The following AURKAIP1 variants were observed in gnomAD, a reference collection of about 807,000 sequenced individuals.
The protein encoded by AURKAIP1 is aurora kinase A interacting protein 1.
AURKAIP1 carries 20 observed loss-of-function variants against 18.4 expected under a neutral mutation model. The observed-to-expected ratio is 1.09, with a 90% confidence interval of 0.77 to 1.58. The LOEUF (loss-of-function observed/expected upper bound fraction) is 1.58, where lower values mean the gene tolerates loss of function less well. Among genes scored for constraint, AURKAIP1 ranks in the 40% most tolerant of loss-of-function variants. AURKAIP1 has a pLI of 0.00. For missense variants in AURKAIP1, 319 were observed against 270.7 expected (o/e 1.18, Z -1.25); for synonymous variants, 156 against 120.8 (o/e 1.29, Z -1.91).
At position 1,374,643 on chromosome 1, in the gene AURKAIP1, G is replaced by A. The variant is rs1644330485; in HGVS notation, c.52+62C>T. The stretch of plus-strand genomic sequence containing the variant: ...CCACCGGCCCTGCCCCAGCGGAGCT[G>A]CTGAGACCCGCACTCCTAACCAGGT... On this transcript the variant is annotated intron_variant, in intron 2 of 3. Coordinates refer to ENST00000338338, the MANE Select transcript of AURKAIP1 (RefSeq NM_017900.3). 1.8e-5 allele frequency: 27 copies of A among 1,520,990 alleles called. No homozygotes were observed. The South Asian group carries it at 2.8e-4, about 16-fold the overall frequency. The allele number at this position is 1,520,990 out of a possible 1,614,324, so 94.2% of individuals were successfully genotyped here.
intron 1 of AURKAIP1, 128 bp from the exon 2 acceptor site, chr1:1,374,918 G>A: frequency 1.6e-6 from 1 of 631,690 alleles, no homozygotes; most frequent in East Asian, 3.2e-5. Context: ...CAACCCACAA[G>A]GAGGACTTTG....
In AURKAIP1 at chr1:1,374,128, G is replaced by A. The variant is rs749443379; in HGVS notation, c.370C>T (p.Gln124Ter). 2 of 1,613,760 alleles carry A rather than the reference G, an allele frequency of 1.2e-6. No homozygotes were observed. The highest frequency in any genetic ancestry group is 1.7e-6 in the Non-Finnish European group (2 of 1,179,978). The change falls in exon 3 of 4, where the codon CAA (glutamine) becomes TAA (stop). Residue 124 changes from glutamine to a stop codon, truncating the protein, a stop_gained. Transcript: ENST00000338338. LOFTEE classifies it high-confidence loss of function. Reference protein sequence around the residue: ...QGDEGVADAPQIQCKNVLKIR... With the variant: ...QGDEGVADAP ...TTCAGCACGTTTTTGCACTGAATTT[G>A]AGGCGCATCCGCGACGCCTTCATCC...
rs531519677 is a variant in AURKAIP1 at position 1,374,145 on chromosome 1, C to G, written c.353G>C (p.Gly118Ala). Residue 118 changes from glycine to alanine, a missense_variant, in exon 3 of 4, where the codon GGC (glycine) becomes GCC (alanine). Physicochemically the swap from Gly to Ala is moderately conservative, Grantham distance 60 (BLOSUM62 0). Transcript: ENST00000338338. ...CTGAATTTGAGGCGCATCCGCGACGCCTTCATCCCCCTGCTCGGCCCCTTC... is the reference window on the plus strand; with the variant it reads ...CTGAATTTGAGGCGCATCCGCGACGGCTTCATCCCCCTGCTCGGCCCCTTC... ...IGEGAEQGDE[G>A]VADAPQIQCK... 3 of 1,613,966 alleles carry G rather than the reference C, an allele frequency of 1.9e-6. No individual in the cohort carries two copies. Among genetic ancestry groups the G allele is most frequent in the Admixed American group, 1.7e-5 (1 of 60,024 alleles).
In AURKAIP1 at chr1:1,374,393, C is replaced by T. The variant is rs1353436449; in HGVS notation, c.105G>A (p.Gly35=). The change falls in exon 3 of 4, where the codon GGG becomes GGA. Residue 35 remains glycine (G), a synonymous_variant. Coordinates refer to ENST00000338338, the MANE Select transcript of AURKAIP1 (RefSeq NM_017900.3). Reference sequence around the variant, plus strand: ...CGGCCGGCGATGTGCTGTAAAGGGGCCCGCAGACCCGGCTGCCCAGCACTC... The same window carrying T: ...CGGCCGGCGATGTGCTGTAAAGGGGTCCGCAGACCCGGCTGCCCAGCACTC... The part of the protein sequence containing the change: ...VSGVLGSRVC[G]PLYSTSPAGP... 1 of 1,476,932 alleles carries T rather than the reference C, an allele frequency of 6.8e-7. No individual in the cohort carries two copies. The highest frequency in any genetic ancestry group is 8.9e-7 in the Non-Finnish European group (1 of 1,120,188). The allele number at this position is 1,476,932 out of a possible 1,614,324, so 91.5% of individuals were successfully genotyped here. A position where few individuals can be genotyped will look rare whatever the true frequency, so the allele number is the denominator to read the frequency against.
Position 1,374,217 on chromosome 1 carries a change from G to C in AURKAIP1, c.281C>G (p.Thr94Ser), listed in dbSNP as rs1307482236. The C allele has an allele frequency of 5.0e-6, 8 of 1,613,040 alleles. No individual in the cohort carries two copies. Among genetic ancestry groups the C allele is most frequent in the Non-Finnish European group, 6.8e-6 (8 of 1,180,024 alleles). Reference sequence around the variant, plus strand: ...CTGGTAGGATTGCGGTGGAGCCACAGTCCCTGCGGTCCCGGTATCCAGTCT... The same window carrying C: ...CTGGTAGGATTGCGGTGGAGCCACACTCCCTGCGGTCCCGGTATCCAGTCT... ...LPRLDTGTAG[T>S]VAPPQSYQCP... Residue 94 changes from threonine (T) to serine (S), a missense_variant, in exon 3 of 4, where the codon ACT becomes AGT. Thr to Ser is a moderately conservative substitution (Grantham distance 58). Transcript: ENST00000338338.
chr1:1,373,927 G>A (rs1354846134), intron 3 of AURKAIP1, 25 bp from the exon 4 acceptor site: 7 of 1,608,756 alleles, frequency 4.4e-6, no homozygotes, highest in East Asian at 2.2e-5. Flanking sequence ...GAGAGGGACC[G>A]CCAAGTAATT....
At chr1:1,374,519 C>G (rs1410387589) in intron 2 of AURKAIP1, 74 bp from the exon 3 acceptor site, 2 of 1,388,350 alleles carry the variant, frequency 1.4e-6, no homozygotes, top group Non-Finnish European at 1.9e-6. Context: ...GCAGCAGGTT[C>G]GTCCCAGCGA....
At chr1:1,374,852 G>C in intron 1 of AURKAIP1, 62 bp from the exon 2 acceptor site, 1 of 1,169,912 alleles carries the variant, frequency 8.5e-7, no homozygotes, top group Non-Finnish European at 1.2e-6. Flanking sequence ...GGGCGGGCCG[G>C]GACTGGGGCG....
chr1:1,373,769 A>C lies in AURKAIP1; in HGVS notation c.*32T>G. ...CTGAGAATTTATTACTACGGATCACAGCAGCAACGGGCGGGAAGGGCGGCG... is the reference window on the plus strand; with the variant it reads ...CTGAGAATTTATTACTACGGATCACCGCAGCAACGGGCGGGAAGGGCGGCG... On this transcript the variant is annotated 3_prime_UTR_variant, in exon 4 of 4. Coordinates refer to ENST00000338338, the MANE Select transcript of AURKAIP1 (RefSeq NM_017900.3). 1.9e-6 allele frequency: 3 copies of C among 1,571,698 alleles called. No individual in the cohort carries two copies. The highest frequency in any genetic ancestry group is 2.6e-6 in the Non-Finnish European group (3 of 1,161,204).
chr1:1,374,887 T>G (rs892597853), intron 1 of AURKAIP1, 97 bp from the exon 2 acceptor site: 4 of 779,062 alleles, frequency 5.1e-6, no homozygotes, highest in Non-Finnish European at 8.0e-6. Flanking sequence ...GACCCTCGCT[T>G]CCCTTCTCCC....
At position 1,374,249 on chromosome 1, in the gene AURKAIP1, G is replaced by A. The variant is rs533198651; in HGVS notation, c.249C>T (p.Phe83=). 6.2e-6 allele frequency: 10 copies of A among 1,609,630 alleles called. No homozygotes were observed. In the East Asian group the frequency reaches 1.1e-4, roughly 18 times the overall value. Residue 83 remains phenylalanine (F), a synonymous_variant, in exon 3 of 4, where the codon TTC becomes TTT. Transcript: ENST00000338338. ...CGGTCCCGGTATCCAGTCTGGGCAGGAAGCAGCGGGCCGTGAGCCAGCTCT... is the reference window on the plus strand; with the variant it reads ...CGGTCCCGGTATCCAGTCTGGGCAGAAAGCAGCGGGCCGTGAGCCAGCTCT... ...PLESWLTARC[F]LPRLDTGTAG...
intron 1 of AURKAIP1, 83 bp from the exon 2 acceptor site, chr1:1,374,873 C>T (rs1644333602): frequency 1.1e-6 from 1 of 916,900 alleles, no homozygotes; most frequent in African/African-American, 1.7e-5. Context: ...TCTGGTCCCG[C>T]CGCGACCCTC....
At chr1:1,373,937 T>C (rs1288658928) in intron 3 of AURKAIP1, 35 bp from the exon 4 acceptor site, 4 of 1,608,668 alleles carry the variant, frequency 2.5e-6, no homozygotes, top group Non-Finnish European at 3.4e-6. Flanking sequence ...GCCAAGTAAT[T>C]CGTGGCAAAG....
chr1:1,374,592 T>C, intron 2 of AURKAIP1, 113 bp downstream of exon 2: 1 of 1,394,064 alleles, frequency 7.2e-7, no homozygotes, highest in Non-Finnish European at 9.9e-7. Context: ...CATCGGAAGC[T>C]TAGAGGGGAA....
At chr1:1,374,536 C>A in intron 2 of AURKAIP1, 91 bp from the exon 3 acceptor site, 1 of 1,358,564 alleles carries the variant, frequency 7.4e-7, no homozygotes, top group South Asian at 1.4e-5. Flanking sequence ...GCGAGGATCC[C>A]CCGCACCTCA....
Position 1,374,037 on chromosome 1 carries a change from C to T in AURKAIP1, c.461G>A (p.Arg154Gln), listed in dbSNP as rs1395991271. ...RKLVKKTRFLRRKVQEGRLRR... is the reference protein window; with the variant it reads ...RKLVKKTRFLQRKVQEGRLRR... Reference sequence around the variant, plus strand: ...CAGGCGTCCCTCCTGGACCTTCCTCCGCAGGAACCGCGTCTTCTTCACCAG... The same window carrying T: ...CAGGCGTCCCTCCTGGACCTTCCTCTGCAGGAACCGCGTCTTCTTCACCAG... The change falls in exon 3 of 4, where the codon CGG (arginine) becomes CAG (glutamine). Residue 154 changes from arginine (R) to glutamine (Q), a missense_variant. Coordinates refer to ENST00000338338, the MANE Select transcript of AURKAIP1 (RefSeq NM_017900.3). 6.2e-7 allele frequency: 1 copy of T among 1,607,044 alleles called. No homozygotes were observed. Among genetic ancestry groups the T allele is most frequent in the South Asian group, 1.1e-5 (1 of 91,030 alleles).
In AURKAIP1 at chr1:1,374,464, C is replaced by T; in HGVS notation, c.53-19G>A. ...CGGCCGCCTGCAGAAAACCAGACGCCACGGTCACCGCTCGCGAGACCACAC... is the reference window on the plus strand; with the variant it reads ...CGGCCGCCTGCAGAAAACCAGACGCTACGGTCACCGCTCGCGAGACCACAC... On this transcript the variant is annotated intron_variant, in intron 2 of 3. Coordinates refer to ENST00000338338, the MANE Select transcript of AURKAIP1 (RefSeq NM_017900.3). 2 of 1,440,868 alleles carry T rather than the reference C, an allele frequency of 1.4e-6. No individual in the cohort carries two copies. Among genetic ancestry groups the T allele is most frequent in the South Asian group, 2.9e-5 (2 of 68,604 alleles). 89.3% of individuals were successfully genotyped at this position (1,440,868 alleles called of 1,614,324 possible).
chr1:1,373,955 T>C, intron 3 of AURKAIP1, 45 bp downstream of exon 3: 1 of 1,608,626 alleles, frequency 6.2e-7, no homozygotes, highest in South Asian at 1.1e-5. Flanking sequence ...AAGAAACGTG[T>C]TCTCAGCACT....
At position 1,374,328 on chromosome 1, in the gene AURKAIP1, T is replaced by C. The variant is rs1301149624; in HGVS notation, c.170A>G (p.Gln57Arg). Residue 57 changes from glutamine to arginine, a missense_variant, in exon 3 of 4, where the codon CAG becomes CGG. By Grantham distance (43) the Gln-to-Arg change is conservative. Transcript: ENST00000338338. The stretch of plus-strand genomic sequence containing the variant: ...GACCAGCATCTCCTCCAGCTCCAGC[T>C]GGGCCCCCTTGCGAGGGAGAGAGGC... ...RAASLPRKGA[Q>R]LELEEMLVPR... The C allele has an allele frequency of 1.3e-6, 2 of 1,570,130 alleles. No homozygotes were observed. The highest frequency in any genetic ancestry group is 1.7e-6 in the Non-Finnish European group (2 of 1,160,348).
Sources: gnomAD v4.1 joint callset for allele counts on GRCh38, gnomAD v4.1.1 for gene constraint, MANE v1.5 for transcripts, NCBI Gene and HGNC (gene_info 2026-07-23, HGNC 2026-07-21) for gene names.